Variants in KAZN observed in about 807,000 individuals in gnomAD.
KAZN encodes the protein kazrin, periplakin interacting protein.
A neutral mutation model predicts 87.4 loss-of-function variants in KAZN; 40 were observed. That is an observed-to-expected ratio of 0.46 (90% CI 0.36 to 0.60). The LOEUF (loss-of-function observed/expected upper bound fraction) is 0.60, where lower values mean the gene tolerates loss of function less well. KAZN is among the 20% of genes least tolerant of loss of function. The pLI is 0.00. For missense variants in KAZN, 898 were observed against 1,073.9 expected, an observed-to-expected ratio of 0.84 and a Z score of 2.29; for synonymous variants, 466 against 458.3, an observed-to-expected ratio of 1.02 and a Z score of -0.22.
chr1:14,821,807 C>T (rs986245739), intron 1 of KAZN, among the ~76,000 whole-genome samples: 1 of 152,178 alleles, frequency 6.6e-6, no homozygotes, highest in African/African-American at 2.4e-5. Flanking sequence ...GTACTACTGT[C>T]ACCAGCTGAA....
At position 15,103,918 on chromosome 1, in the gene KAZN, G is replaced by C. The variant is rs560468531; in HGVS notation, c.1882-105G>C. Reference sequence around the variant, plus strand: ...CGTCAAATTAACTGGTCCCCAGGGGGTCAAGCCCTTGCTGTTGGGGACAGA... The same window carrying C: ...CGTCAAATTAACTGGTCCCCAGGGGCTCAAGCCCTTGCTGTTGGGGACAGA... On this transcript the variant is annotated intron_variant, in intron 12 of 14. Transcript: ENST00000376030. 1.0e-4 allele frequency: 120 copies of C among 1,186,604 alleles called. No individual in the cohort carries two copies. The African/African-American group carries it at 1.6e-3, about 15-fold the overall frequency. The allele number at this position is 1,186,604 out of a possible 1,614,324, so 73.5% of individuals were successfully genotyped here. A position where few individuals can be genotyped will look rare whatever the true frequency, so the allele number is the denominator to read the frequency against.
chr1:13,933,052 A>G (rs1481913796), intron 1 of KAZN, among the ~76,000 whole-genome samples: 1 of 152,166 alleles, frequency 6.6e-6, no homozygotes, highest in Non-Finnish European at 1.5e-5. Flanking sequence ...CCAATGGTAT[A>G]TTTATCAAAA....
At chr1:15,068,414 G>A (rs1036519022) in intron 8 of KAZN, among the ~76,000 whole-genome samples, 2 of 152,186 alleles carry the variant, frequency 1.3e-5, no homozygotes, top group South Asian at 2.1e-4. Context: ...CACCACCCCC[G>A]ACCTGGCACC....
chr1:14,471,258 A>G (rs2480059), intron 2 of KAZN, among the ~76,000 whole-genome samples: 60,297 of 151,704 alleles, frequency 0.4, 12,331 homozygotes, highest in East Asian at 0.59. Context: ...TTCTTGATTA[A>G]GGATTTGCCT....
rs534396096 is a variant in KAZN at position 14,369,309 on chromosome 1, G to A, written c.249+188717G>A. ...TCGCTCTTCAGTTTCCTCGCTCAAT[G>A]CCAGGTCATTAACTTTAACACTATC... On this transcript the variant is annotated intron_variant, in intron 2 of 16. Coordinates refer to the KAZN transcript ENST00000636203. Among the ~76,000 whole-genome samples, 63 of 152,304 alleles carry A rather than the reference G, an allele frequency of 4.1e-4. 1 individual carries two copies. The highest frequency in any genetic ancestry group is 3.1e-3 in the Admixed American group (47 of 15,300).
intron 1 of KAZN, among the ~76,000 whole-genome samples, chr1:13,936,218 T>G (rs1640740118): frequency 6.6e-6 from 1 of 150,658 alleles, no homozygotes; most frequent in Non-Finnish European, 1.5e-5. Context: ...TGCCTCAGCC[T>G]CCTGAGTACC....
At chr1:14,000,095 T>G (rs12564965) in intron 1 of KAZN, among the ~76,000 whole-genome samples, 22,092 of 152,162 alleles carry the variant, frequency 0.15, 1,708 homozygotes, top group Middle Eastern at 0.22. Flanking sequence ...ACCAGACGGA[T>G]TCACAGCTGA....
chr1:14,863,359 C>T (rs1017348424), intron 1 of KAZN, among the ~76,000 whole-genome samples: 40 of 152,126 alleles, frequency 2.6e-4, no homozygotes, highest in Non-Finnish European at 4.4e-4. Flanking sequence ...TCTGTCCCTC[C>T]GGGGGATGCC....
chr1:14,512,673 G>A (rs1208711092), intron 2 of KAZN, among the ~76,000 whole-genome samples: 1 of 152,210 alleles, frequency 6.6e-6, no homozygotes, highest in Non-Finnish European at 1.5e-5. Context: ...GGGGTCACTA[G>A]AACACAGCCT....
intron 2 of KAZN, among the ~76,000 whole-genome samples, chr1:14,972,357 C>T (rs1247745741): frequency 2.0e-5 from 3 of 152,182 alleles, no homozygotes; most frequent in Non-Finnish European, 4.4e-5. Flanking sequence ...AGAGGCAGTG[C>T]AGGGCACTCT....
intron 1 of KAZN, among the ~76,000 whole-genome samples, chr1:14,704,133 G>A (rs1642079926): frequency 6.6e-6 from 1 of 152,212 alleles, no homozygotes; most frequent in Non-Finnish European, 1.5e-5. Flanking sequence ...CCTCCCCTGG[G>A]ATGGAGTGGA....
Position 14,278,845 on chromosome 1 carries a change from T to C in KAZN, c.249+98253T>C, listed in dbSNP as rs545096457. ...TGGATATTTTTTTAGTCTGTGCATG[T>C]TGTCAGTTGACATTTTCTTCCCTCC... On this transcript the variant is annotated intron_variant, in intron 2 of 16. Transcript: ENST00000636203. Among the ~76,000 whole-genome samples the C allele has an allele frequency of 2.5e-4, 38 of 152,232 alleles. 2 individuals are homozygous for C. Among genetic ancestry groups the C allele is most frequent in the Admixed American group, 3.3e-4 (5 of 15,290 alleles).
intron 1 of KAZN, among the ~76,000 whole-genome samples, chr1:14,926,750 A>C (rs546507224): frequency 6.6e-6 from 1 of 152,346 alleles, no homozygotes; most frequent in East Asian, 1.9e-4. Context: ...TGTTGCTGAA[A>C]TAAACATTTC....
At chr1:14,002,209 T>G (rs1639825618) in intron 1 of KAZN, among the ~76,000 whole-genome samples, 1 of 152,236 alleles carries the variant, frequency 6.6e-6, no homozygotes, top group East Asian at 1.9e-4. Flanking sequence ...CAGACCGTTC[T>G]CAAAAGAAGA....
chr1:14,143,803 G>A (rs1263407085), intron 1 of KAZN, among the ~76,000 whole-genome samples: 2 of 147,496 alleles, frequency 1.4e-5, no homozygotes, highest in African/African-American at 2.5e-5. Context: ...CCACAGCCTC[G>A]ACCTCCTAGG....
At chr1:14,169,958 C>T (rs1645917865) in intron 1 of KAZN, among the ~76,000 whole-genome samples, 1 of 152,190 alleles carries the variant, frequency 6.6e-6, no homozygotes, top group Non-Finnish European at 1.5e-5. Context: ...CCCTCAGCCA[C>T]ATCTCTTAAA....
chr1:14,034,386 T>G (rs1191003059), intron 1 of KAZN, among the ~76,000 whole-genome samples: 1 of 152,110 alleles, frequency 6.6e-6, no homozygotes, highest in Non-Finnish European at 1.5e-5. Context: ...CAGGGCAGAA[T>G]TGGTTAATTT....
Position 14,883,342 on chromosome 1 carries a change from G to GAGAGAGAGAGAGAA in KAZN, c.227-77341_227-77340insGAGAGAGAGAGAAA, listed in dbSNP as rs1377953212. Among the ~76,000 whole-genome samples the GAGAGAGAGAGAGAA allele has an allele frequency of 2.7e-4, 9 of 33,462 alleles. 2 individuals are homozygous for GAGAGAGAGAGAGAA. Among genetic ancestry groups the GAGAGAGAGAGAGAA allele is most frequent in the Admixed American group, 8.0e-4 (2 of 2,490 alleles). The allele number at this position is 33,462 out of a possible 152,430, so 22.0% of individuals were successfully genotyped here. ...AAAGAGAGAGAGAGAGAGAGAGAGA[G>GAGAGAGAGAGAGAA]AAAGAAAGAAAGAAAAGAAAGAAAG... On this transcript the variant is annotated intron_variant, in intron 1 of 14. Transcript: ENST00000376030.
intron 1 of KAZN, among the ~76,000 whole-genome samples, chr1:14,765,093 G>A (rs1398557533): frequency 3.3e-5 from 5 of 152,132 alleles, no homozygotes; most frequent in Admixed American, 6.5e-5. Context: ...CTCATCAGCC[G>A]CAGCACTGTT....
Sources: allele counts gnomAD v4.1 joint callset (sites outside exome capture counted in the v4.1 genomes callset), GRCh38; gene constraint gnomAD v4.1.1; transcripts MANE v1.5; gene names NCBI Gene and HGNC (gene_info 2026-07-23, HGNC 2026-07-21).